The following SEPTIN9 variants were observed in gnomAD, a reference collection of about 807,000 sequenced individuals.
The protein encoded by SEPTIN9 is septin-9.
In SEPTIN9, 13 loss-of-function variants were observed where a neutral mutation model predicts 56.6. The observed-to-expected ratio is 0.23, with a 90% CI of 0.15 to 0.37. The LOEUF is 0.37. Ranked by LOEUF, SEPTIN9 falls within the 10% of genes least tolerant of loss-of-function variation. SEPTIN9 has a pLI of 1.00. For missense variants in SEPTIN9, 650 were observed against 823.1 expected (o/e 0.79, Z 2.57); for synonymous variants, 332 against 334.1 (o/e 0.99, Z 0.07).
At chr17:77,291,466 C>G (rs945738714) in intron 1 of SEPTIN9, among the ~76,000 whole-genome samples, 8 of 151,886 alleles carry the variant, frequency 5.3e-5, no homozygotes, top group African/African-American at 1.9e-4. Context: ...AACCCTGTCT[C>G]TACTAAAACT....
At chr17:77,409,844 C>T (rs887549050) in intron 3 of SEPTIN9, among the ~76,000 whole-genome samples, 2 of 152,202 alleles carry the variant, frequency 1.3e-5, no homozygotes, top group African/African-American at 2.4e-5. Flanking sequence ...CCTGGAGGAG[C>T]GCACTCAGAC....
rs1191466099 is a variant in SEPTIN9 at position 77,367,691 on chromosome 17, C to T, written c.77-34368C>T. On this transcript the variant is annotated intron_variant, in intron 2 of 11. Transcript: ENST00000427177. This position sits in a 1 kb window ranked among gnomAD's most constrained non-coding sequence, Gnocchi z 4.5. ...ATTAGCCGGGCATGGTAGCGGGTGCCTGTAATCCCAGCTACTCGGGAGGCT... is the reference window on the plus strand; with the variant it reads ...ATTAGCCGGGCATGGTAGCGGGTGCTTGTAATCCCAGCTACTCGGGAGGCT... Among the ~76,000 whole-genome samples the T allele has an allele frequency of 2.6e-5, 4 of 152,110 alleles. No homozygotes were observed. Among genetic ancestry groups the T allele is most frequent in the Admixed American group, 6.5e-5 (1 of 15,280 alleles).
At position 77,389,134 on chromosome 17, in the gene SEPTIN9, C is replaced by T. The variant is rs1664813002; in HGVS notation, c.77-12925C>T. ...CCCATCCATGGGAAGAAGCACCGAG[C>T]AGCCTTGCTGGCTCCTCGCAGGGAG... On this transcript the variant is annotated intron_variant, in intron 2 of 11. Transcript: ENST00000427177. The surrounding 1 kb of genome is among the most constrained non-coding windows in gnomAD (Gnocchi z 4.3). 6.6e-6 allele frequency among the ~76,000 whole-genome samples: 1 copy of T among 152,192 alleles called. No individual in the cohort carries two copies. Among genetic ancestry groups the T allele is most frequent in the Non-Finnish European group, 1.5e-5 (1 of 68,024 alleles).
intron 2 of SEPTIN9, among the ~76,000 whole-genome samples, chr17:77,359,507 T>C (rs1323608485): frequency 6.6e-6 from 1 of 152,216 alleles, no homozygotes; most frequent in African/African-American, 2.4e-5. Flanking sequence ...TCAATCATGA[T>C]GGCTGCTGGG....
chr17:77,415,734 T>A (rs1324299349), intron 3 of SEPTIN9, among the ~76,000 whole-genome samples: 6 of 151,892 alleles, frequency 4.0e-5, no homozygotes, highest in Non-Finnish European at 5.9e-5. Flanking sequence ...CCCACCGGGC[T>A]CCTGTCTGGA....
At chr17:77,494,493 T>G (rs2040168564) in intron 10 of SEPTIN9, among the ~76,000 whole-genome samples, 1 of 152,238 alleles carries the variant, frequency 6.6e-6, no homozygotes, top group Non-Finnish European at 1.5e-5. Context: ...GTTTTCATCA[T>G]CCACAAAGTG....
chr17:77,304,793 G>C (rs2032195659), intron 1 of SEPTIN9, among the ~76,000 whole-genome samples: 1 of 152,204 alleles, frequency 6.6e-6, no homozygotes, highest in Admixed American at 6.5e-5. Flanking sequence ...TGTGCGTGGG[G>C]ATGTGTGGAA....
At chr17:77,307,894 C>T (rs1478987143) in intron 2 of SEPTIN9, among the ~76,000 whole-genome samples, 5 of 152,150 alleles carry the variant, frequency 3.3e-5, no homozygotes, top group Admixed American at 2.6e-4. Flanking sequence ...AGCCCTTGCC[C>T]CCCAGGGCTG....
intron 1 of SEPTIN9, among the ~76,000 whole-genome samples, chr17:77,302,859 G>A (rs1235410109): frequency 6.6e-6 from 1 of 152,104 alleles, no homozygotes; most frequent in Non-Finnish European, 1.5e-5. Flanking sequence ...TGCTGCTGGT[G>A]CCCTGAGCTG....
Position 77,327,712 on chromosome 17 carries a change from C to T in SEPTIN9, c.76+20515C>T, listed in dbSNP as rs1199317703. The stretch of plus-strand genomic sequence containing the variant: ...CCCTCTGCCTGTGGACGCCCTCATA[C>T]CTCCATCCGTGGAGCCACCCTCCTC... On this transcript the variant is annotated intron_variant, in intron 2 of 11. Transcript: ENST00000427177. This position sits in a 1 kb window ranked among gnomAD's most constrained non-coding sequence, Gnocchi z 5.0. 2.6e-5 allele frequency among the ~76,000 whole-genome samples: 4 copies of T among 152,040 alleles called. No individual in the cohort carries two copies. Among genetic ancestry groups the T allele is most frequent in the Non-Finnish European group, 1.5e-5 (1 of 68,002 alleles).
At chr17:77,328,765 T>C (rs908660616) in intron 2 of SEPTIN9, among the ~76,000 whole-genome samples, 7 of 152,210 alleles carry the variant, frequency 4.6e-5, no homozygotes, top group African/African-American at 1.7e-4. Context: ...TGGTCGCTTG[T>C]TACTTAACAG....
At chr17:77,361,793 C>T (rs917668238) in intron 2 of SEPTIN9, among the ~76,000 whole-genome samples, 15 of 152,130 alleles carry the variant, frequency 9.9e-5, no homozygotes, top group African/African-American at 2.2e-4. Flanking sequence ...CCACCGCGTC[C>T]GGCTAATTTT....
intron 2 of SEPTIN9, among the ~76,000 whole-genome samples, chr17:77,356,547 T>A (rs961179643): frequency 5.3e-5 from 8 of 150,306 alleles, no homozygotes; most frequent in African/African-American, 2.0e-4. Context: ...AGGTGATAAA[T>A]GTAGTGTCCT....
At position 77,310,819 on chromosome 17, in the gene SEPTIN9, C is replaced by T. The variant is rs2032463525; in HGVS notation, c.76+3622C>T. 6.6e-6 allele frequency among the ~76,000 whole-genome samples: 1 copy of T among 152,178 alleles called. No individual in the cohort carries two copies. Among genetic ancestry groups the T allele is most frequent in the Non-Finnish European group, 1.5e-5 (1 of 68,030 alleles). On this transcript the variant is annotated intron_variant, in intron 2 of 11. Transcript: ENST00000427177. This position sits in a 1 kb window ranked among gnomAD's most constrained non-coding sequence, Gnocchi z 4.7. ...AGCTTCCCTCCCTCTGGCCCTCAGA[C>T]CCCGGCTGGGATCCTTGGAGCCAAC... is the stretch of plus-strand genomic sequence containing the variant.
intron 3 of SEPTIN9, among the ~76,000 whole-genome samples, chr17:77,465,840 T>C (rs976322557): frequency 2.0e-5 from 3 of 150,408 alleles, no homozygotes; most frequent in Non-Finnish European, 4.4e-5. Flanking sequence ...AGGGAGAGGG[T>C]GAGTTTGGTG....
Position 77,445,040 on chromosome 17 carries a change from C to T in SEPTIN9, c.722-37104C>T. ...CAAATGTGCTGAAACAGCCCAGCAG[C>T]TGCGCTGCCTCACAGAAAATGTGCA... is the stretch of plus-strand genomic sequence containing the variant. On this transcript the variant is annotated intron_variant, in intron 3 of 11. Coordinates refer to ENST00000427177, the MANE Select transcript of SEPTIN9 (RefSeq NM_001113491.2). The surrounding 1 kb of genome is among the most constrained non-coding windows in gnomAD (Gnocchi z 4.7). 1 of 381,254 alleles carries T rather than the reference C, an allele frequency of 2.6e-6. No individual in the cohort carries two copies. Among genetic ancestry groups the T allele is most frequent in the South Asian group, 2.0e-5 (1 of 50,558 alleles). The allele number at this position is 381,254 out of a possible 1,614,324, so 23.6% of individuals were successfully genotyped here. A position where few individuals can be genotyped will look rare whatever the true frequency, so the allele number is the denominator to read the frequency against.
chr17:77,427,455 A>G (rs2036955659), intron 3 of SEPTIN9, among the ~76,000 whole-genome samples: 1 of 152,298 alleles, frequency 6.6e-6, no homozygotes, highest in East Asian at 1.9e-4. Context: ...TTTTCCCTTC[A>G]CTGTGGGAGA....
chr17:77,378,447 G>A (rs1007378557), intron 2 of SEPTIN9, among the ~76,000 whole-genome samples: 8 of 152,182 alleles, frequency 5.3e-5, no homozygotes, highest in African/African-American at 1.4e-4. Flanking sequence ...AGCCCATGGC[G>A]CTGAGCACGG....
Position 77,437,623 on chromosome 17 carries a change from G to T in SEPTIN9, c.721+34920G>T, listed in dbSNP as rs184121743. The stretch of plus-strand genomic sequence containing the variant: ...ATGCTTCTGGTGGGGAGACCTCAGA[G>T]GGGCCTGCCGTCACCATCGCCAGTG... On this transcript the variant is annotated intron_variant, in intron 3 of 11. Coordinates refer to ENST00000427177, the MANE Select transcript of SEPTIN9 (RefSeq NM_001113491.2). The surrounding 1 kb of genome is among the most constrained non-coding windows in gnomAD (Gnocchi z 5.3). 1.2e-4 allele frequency among the ~76,000 whole-genome samples: 19 copies of T among 152,218 alleles called. No homozygotes were observed. The highest frequency in any genetic ancestry group is 4.6e-4 in the African/African-American group (19 of 41,526).
Sources: allele counts gnomAD v4.1 joint callset (sites outside exome capture counted in the v4.1 genomes callset), GRCh38; gene constraint gnomAD v4.1.1; non-coding constraint Gnocchi (gnomAD v3.1); transcripts MANE v1.5; gene names NCBI Gene and HGNC (gene_info 2026-07-23, HGNC 2026-07-21).